SMC1A: variants seen among roughly 807,000 people sequenced by gnomAD.
The protein encoded by SMC1A is structural maintenance of chromosomes protein 1A.
In SMC1A, 4 loss-of-function variants were observed where a neutral mutation model predicts 94.5. The observed-to-expected ratio is 0.04, with a 90% CI of 0.02 to 0.10. The LOEUF (loss-of-function observed/expected upper bound fraction) is 0.10. Among genes scored for constraint, SMC1A ranks in the 10% least tolerant of loss-of-function variants. The pLI, the probability that SMC1A is intolerant of heterozygous loss-of-function variation, is 1.00. For missense variants in SMC1A, 304 were observed against 989.0 expected (o/e 0.31, Z 9.29); for synonymous variants, 345 against 347.7 (o/e 0.99, Z 0.09).
At chrX:53,417,768 G>A (rs782341969) in intron 1 of SMC1A, among the ~76,000 whole-genome samples, 1 of 111,669 alleles carries the variant, frequency 9.0e-6, no homozygotes, top group East Asian at 2.8e-4. Flanking sequence ...TAGTACAGGA[G>A]AATGATGATT....
chrX:53,395,611 G>A (rs868994960), intron 18 of SMC1A, among the ~76,000 whole-genome samples: 10 of 112,030 alleles, frequency 8.9e-5, no homozygotes, highest in African/African-American at 2.6e-4. Flanking sequence ...ATGGGACTGA[G>A]ATATATAACC....
intron 1 of SMC1A, among the ~76,000 whole-genome samples, chrX:53,415,942 T>C (rs2075730170): frequency 9.0e-6 from 1 of 110,903 alleles, no homozygotes; most frequent in Non-Finnish European, 1.9e-5. Flanking sequence ...TTACAACCTT[T>C]AATGACATGG....
intron 16 of SMC1A, 53 bp from the exon 17 acceptor site, chrX:53,396,670 C>G (rs1328464992): frequency 8.6e-7 from 1 of 1,158,221 alleles, no homozygotes; most frequent in African/African-American, 1.8e-5. Flanking sequence ...CCCATCTTAC[C>G]CTGGGATATT....
rs139194118 is a variant in SMC1A at position 53,397,689 on chromosome X, C to T, written c.2563-1072G>A. Among the ~76,000 whole-genome samples, 778 of 111,666 alleles carry T rather than the reference C, an allele frequency of 7.0e-3. 6 individuals are homozygous for T. The highest frequency in any genetic ancestry group is 0.024 in the African/African-American group (731 of 30,764). ...TAGAGAGAGAATGCAAAAGATAATG[C>T]GGCAACATGTTGATGACCGATGAAT... On this transcript the variant is annotated intron_variant, in intron 16 of 24. Transcript: ENST00000322213.
chrX:53,394,624 C>G (rs2146592184), intron 19 of SMC1A, among the ~76,000 whole-genome samples, 154 bp downstream of exon 19: 1 of 110,243 alleles, frequency 9.1e-6, no homozygotes, highest in African/African-American at 3.3e-5. Flanking sequence ...TGCCTCACAA[C>G]TGAATCCTCC....
chrX:53,389,261 AAAC>A (rs2075617862), intron 19 of SMC1A, among the ~76,000 whole-genome samples: 3 of 110,234 alleles, frequency 2.7e-5, no homozygotes, highest in Non-Finnish European at 1.9e-5. Context: ...AGAAAAATAA[AAAC>A]AGGTGGAGGG....
chrX:53,421,920 G>A lies in SMC1A; in HGVS notation c.109+572C>T. Reference sequence around the variant, plus strand: ...CTCTGACATAGCGGTGGGGGGTGGGGATCGACACCTCAAGCATTCTAAAGA... The same window carrying A: ...CTCTGACATAGCGGTGGGGGGTGGGAATCGACACCTCAAGCATTCTAAAGA... On this transcript the variant is annotated intron_variant, in intron 1 of 24. Coordinates refer to ENST00000322213, the MANE Select transcript of SMC1A (RefSeq NM_006306.4). The A allele has an allele frequency of 8.4e-7, 1 of 1,186,030 alleles. No individual in the cohort carries two copies. The highest frequency in any genetic ancestry group is 1.1e-6 in the Non-Finnish European group (1 of 874,647).
intron 19 of SMC1A, among the ~76,000 whole-genome samples, chrX:53,389,134 T>C (rs1190617238): frequency 1.9e-5 from 2 of 103,403 alleles, no homozygotes; most frequent in Non-Finnish European, 3.9e-5. Context: ...TTTTTTTTGG[T>C]CGGGGGGGTG....
intron 1 of SMC1A, among the ~76,000 whole-genome samples, chrX:53,418,995 C>G (rs1275574527): frequency 3.1e-5 from 3 of 97,566 alleles, no homozygotes; most frequent in Non-Finnish European, 4.1e-5. Context: ...GAGCTGAGAT[C>G]GCGCCACTGC....
At chrX:53,405,746 T>C in intron 10 of SMC1A, 25 bp downstream of exon 10, 1 of 1,209,098 alleles carries the variant, frequency 8.3e-7, no homozygotes, top group Non-Finnish European at 1.1e-6. Context: ...AACACTGGCC[T>C]GACCCAATCC....
chrX:53,396,570 T>C lies in SMC1A; in HGVS notation c.2610A>G (p.Leu870=), dbSNP rs781814616. 8.3e-6 allele frequency: 10 copies of C among 1,210,181 alleles called. No individual in the cohort carries two copies. The highest frequency in any genetic ancestry group is 1.1e-5 in the Non-Finnish European group (10 of 894,774). The change falls in exon 17 of 25, where the codon CTA becomes CTG. Residue 870 remains leucine (L), a synonymous_variant. Coordinates refer to ENST00000322213, the MANE Select transcript of SMC1A (RefSeq NM_006306.4). The stretch of plus-strand genomic sequence containing the variant: ...CCAGATGCTGATTCTTCAGGTCTTG[T>C]AGCTGAGCCATGGTCTCATCTATGA... ...MKIIDETMAQ[L]QDLKNQHLAK...
intron 19 of SMC1A, among the ~76,000 whole-genome samples, chrX:53,388,651 T>C (rs903779500): frequency 4.6e-5 from 5 of 109,719 alleles, no homozygotes; most frequent in African/African-American, 1.7e-4. Flanking sequence ...CATAATATAG[T>C]ATTAAAATTA....
intron 19 of SMC1A, among the ~76,000 whole-genome samples, chrX:53,391,157 T>TA: frequency 9.4e-6 from 1 of 106,108 alleles, no homozygotes; most frequent in Admixed American, 1.0e-4. Flanking sequence ...CTACTAAAAA[T>TA]AAAAAAAATT....
rs1253551858 is a variant in SMC1A, at chrX:53,386,158, A to T, written c.2974-2905T>A. ...CTGGATGAAATTTCCAATTTACAGGAGATACAAGGGTTGGAAGAACAGGTT... is the reference window on the plus strand; with the variant it reads ...CTGGATGAAATTTCCAATTTACAGGTGATACAAGGGTTGGAAGAACAGGTT... On this transcript the variant is annotated intron_variant, in intron 19 of 24. Coordinates refer to ENST00000322213, the MANE Select transcript of SMC1A (RefSeq NM_006306.4). 2.7e-5 allele frequency among the ~76,000 whole-genome samples: 3 copies of T among 111,524 alleles called. No individual in the cohort carries two copies. In the East Asian group the frequency reaches 8.3e-4, roughly 31 times the overall value.
Position 53,415,053 on chromosome X carries a change from T to G in SMC1A, c.226A>C (p.Asn76His). The change falls in exon 2 of 25, where the codon AAC (asparagine) becomes CAC (histidine). Residue 76 changes from asparagine (N) to histidine (H), a missense_variant. Physicochemically the swap from Asn to His is moderately conservative, Grantham distance 68. This residue lies in a region of SMC1A where 120 missense variants were observed against 314.9 expected (regional missense o/e 0.38). Transcript: ENST00000322213. The part of the protein sequence containing the change: ...HGAPVGKPAA[N>H]RAFVSMVYSE... ...TAGACCATGCTGACAAAGGCCCGGT[T>G]GGCAGCTGGCTTGCCCACAGGAGCT... 1 of 1,211,393 alleles carries G rather than the reference T, an allele frequency of 8.3e-7. No homozygotes were observed. Among genetic ancestry groups the G allele is most frequent in the Non-Finnish European group, 1.1e-6 (1 of 895,357 alleles).
chrX:53,409,058 T>G lies in SMC1A; in HGVS notation c.1545+4A>C, dbSNP rs377270943. 290 of 1,206,279 alleles carry G rather than the reference T, an allele frequency of 2.4e-4. No homozygotes were observed. The African/African-American group carries it at 4.5e-3, about 19-fold the overall frequency. The stretch of plus-strand genomic sequence containing the variant: ...CAGGAAATGAGTTCCCTCTCTGCTC[T>G]TACCACAGAGCCAGGGTAAAGGCGC... On this transcript the variant is annotated splice_donor_region_variant and intron_variant, in intron 9 of 24. Transcript: ENST00000322213.
In SMC1A at chrX:53,422,019, C is replaced by A. The variant is rs373948222; in HGVS notation, c.109+473G>T. 1.7e-5 allele frequency: 20 copies of A among 1,209,539 alleles called. 1 individual carries two copies. Among genetic ancestry groups the A allele is most frequent in the Non-Finnish European group, 2.1e-5 (19 of 894,763 alleles). ...AGAAAGGAGTTGGAGTGTACCAATG[C>A]GAGGCGAGAGAGGACGCTGGGCTGA... On this transcript the variant is annotated intron_variant, in intron 1 of 24. Coordinates refer to ENST00000322213, the MANE Select transcript of SMC1A (RefSeq NM_006306.4).
At chrX:53,418,437 TATTC>T (rs2075740604) in intron 1 of SMC1A, among the ~76,000 whole-genome samples, 1 of 111,186 alleles carries the variant, frequency 9.0e-6, no homozygotes, top group Non-Finnish European at 1.9e-5. Context: ...GCCCAGACCT[TATTC>T]ATTTATTTAT....
chrX:53,420,531 AAAAAAGAAAAG>A (rs1327313458), intron 1 of SMC1A, among the ~76,000 whole-genome samples: 3 of 110,828 alleles, frequency 2.7e-5, no homozygotes, highest in African/African-American at 9.8e-5. Context: ...CAAAAAAAAA[AAAAAAGAAAAG>A]AAAAAGAAAA....
Sources: gnomAD v4.1 joint callset for allele counts (sites outside exome capture counted in the v4.1 genomes callset) on GRCh38, gnomAD v4.1.1 for gene constraint, gnomAD v4.1.1 regional missense constraint, MANE v1.5 for transcripts, NCBI Gene and HGNC (gene_info 2026-07-23, HGNC 2026-07-21) for gene names.